BCL2L11: variants seen among roughly 807,000 people sequenced by gnomAD.
BCL2L11 encodes bcl-2-like protein 11.
In BCL2L11, 15 loss-of-function variants were observed where a neutral mutation model predicts 20.6. That is an observed-to-expected ratio of 0.73 (90% CI 0.49 to 1.12). BCL2L11 has a LOEUF of 1.12. BCL2L11 is among the 50% of genes most tolerant of loss of function. The probability of loss-of-function intolerance (pLI) is 0.00; values close to 1 mark genes in which losing one functional copy is unlikely to be tolerated. For missense variants in BCL2L11, 292 were observed against 260.9 expected, an observed-to-expected ratio of 1.12 and a Z score of -0.82; for synonymous variants, 108 against 92.8, an observed-to-expected ratio of 1.16 and a Z score of -0.94.
In BCL2L11 at chr2:111,157,487, A is replaced by G. The variant is rs142057358; in HGVS notation, c.499-6646A>G. Among the ~76,000 whole-genome samples, 89 of 152,044 alleles carry G rather than the reference A, an allele frequency of 5.9e-4. 1 individual carries two copies. The East Asian group carries it at 0.014, about 24-fold the overall frequency. ...TTTCTTCTCTGAATCTAATATTCCA[A>G]CTACTGGTGCCTCACACAGATGTCA... On this transcript the variant is annotated intron_variant, in intron 3 of 3. Transcript: ENST00000393256.
chr2:111,143,956 A>G (rs1247733918), intron 2 of BCL2L11, among the ~76,000 whole-genome samples: 2 of 152,210 alleles, frequency 1.3e-5, no homozygotes, highest in African/African-American at 2.4e-5. Context: ...CATGAACACT[A>G]GTTTCCAGAC....
chr2:111,147,071 CATA>C (rs1202507178), intron 2 of BCL2L11, among the ~76,000 whole-genome samples: 1 of 152,068 alleles, frequency 6.6e-6, no homozygotes, highest in Non-Finnish European at 1.5e-5. Context: ...TATCTATTTC[CATA>C]ATAACTTTTT....
Position 111,123,347 on chromosome 2 carries a change from C to T in BCL2L11, c.-13-386C>T, listed in dbSNP as rs1490202933. On this transcript the variant is annotated intron_variant, in intron 1 of 3. Coordinates refer to ENST00000393256, the MANE Select transcript of BCL2L11 (RefSeq NM_138621.5). ...GCAATCGCTGCATCTGCGCCCGCTCCTGTGCTCCGGCGTCCTACCTAACCC... is the reference window on the plus strand; with the variant it reads ...GCAATCGCTGCATCTGCGCCCGCTCTTGTGCTCCGGCGTCCTACCTAACCC... 5 of 985,386 alleles carry T rather than the reference C, an allele frequency of 5.1e-6. No homozygotes were observed. The East Asian group carries it at 3.4e-4, about 67-fold the overall frequency. 61.0% of individuals were successfully genotyped at this position (985,386 alleles called of 1,614,324 possible).
intron 2 of BCL2L11, among the ~76,000 whole-genome samples, chr2:111,136,046 C>A (rs980624483): frequency 5.3e-5 from 8 of 152,200 alleles, no homozygotes; most frequent in Non-Finnish European, 1.2e-4. Context: ...ATCAACTCCC[C>A]ACTCTGGCCA....
At chr2:111,133,001 C>T (rs2074231000) in intron 2 of BCL2L11, among the ~76,000 whole-genome samples, 2 of 152,150 alleles carry the variant, frequency 1.3e-5, no homozygotes, top group Non-Finnish European at 1.5e-5. Flanking sequence ...TTAAATGTGT[C>T]AAGGTTTGTT....
chr2:111,154,026 G>T, intron 3 of BCL2L11: 1 of 1,114,134 alleles, frequency 9.0e-7, no homozygotes, highest in Non-Finnish European at 1.2e-6. Context: ...TACTCCAGTG[G>T]ATTTTGGTAA....
chr2:111,157,184 C>T (rs1317825199), intron 3 of BCL2L11, among the ~76,000 whole-genome samples: 1 of 152,204 alleles, frequency 6.6e-6, no homozygotes, highest in Non-Finnish European at 1.5e-5. Flanking sequence ...GGATCAAGGC[C>T]ATTAACACAT....
chr2:111,130,629 T>C (rs913605485), intron 2 of BCL2L11, among the ~76,000 whole-genome samples: 4 of 152,218 alleles, frequency 2.6e-5, no homozygotes, highest in Admixed American at 2.6e-4. Flanking sequence ...CAGCTAGAAT[T>C]TCTAGTGTTT....
At chr2:111,133,201 TCAAAAG>T (rs2074266435) in intron 2 of BCL2L11, among the ~76,000 whole-genome samples, 1 of 148,766 alleles carries the variant, frequency 6.7e-6, no homozygotes. Flanking sequence ...TATAAATAAC[TCAAAAG>T]CAAAAGGATT....
chr2:111,165,758 C>T lies in BCL2L11; in HGVS notation c.*1527C>T, dbSNP rs564654309. On this transcript the variant is annotated 3_prime_UTR_variant, in exon 4 of 4. Coordinates refer to ENST00000393256, the MANE Select transcript of BCL2L11 (RefSeq NM_138621.5). ...GTAACTCTTAAAATTTTTGAAAACTCCATCGTTAAACAACTTTTAAAAGAA... is the reference window on the plus strand; with the variant it reads ...GTAACTCTTAAAATTTTTGAAAACTTCATCGTTAAACAACTTTTAAAAGAA... 6.6e-6 allele frequency: 1 copy of T among 152,212 alleles called. No individual in the cohort carries two copies. The highest frequency in any genetic ancestry group is 2.1e-4 in the South Asian group (1 of 4,814). 9.4% of individuals were successfully genotyped at this position (152,212 alleles called of 1,614,324 possible). A position where few individuals can be genotyped will look rare whatever the true frequency, so the allele number is the denominator to read the frequency against.
chr2:111,129,870 G>A (rs896118024), intron 2 of BCL2L11, among the ~76,000 whole-genome samples: 13 of 152,198 alleles, frequency 8.5e-5, no homozygotes, highest in African/African-American at 3.1e-4. Context: ...CATACTGTAT[G>A]TGACCTTTTG....
chr2:111,138,251 C>T (rs555401145), intron 2 of BCL2L11, among the ~76,000 whole-genome samples: 5 of 152,068 alleles, frequency 3.3e-5, no homozygotes, highest in African/African-American at 7.2e-5. Context: ...TGAAGTGATC[C>T]GCCTACCTCG....
chr2:111,152,157 G>A (rs894616303), intron 3 of BCL2L11, among the ~76,000 whole-genome samples: 3 of 152,206 alleles, frequency 2.0e-5, no homozygotes, highest in African/African-American at 7.2e-5. Flanking sequence ...GAATCCAACA[G>A]GACAGATCAT....
chr2:111,138,523 T>C (rs143362429), intron 2 of BCL2L11, among the ~76,000 whole-genome samples: 265 of 152,360 alleles, frequency 1.7e-3, no homozygotes, highest in African/African-American at 6.2e-3. Context: ...TTTTGCATTG[T>C]TGAAGATTTT....
At chr2:111,157,665 G>C (rs2078030675) in intron 3 of BCL2L11, among the ~76,000 whole-genome samples, 1 of 152,226 alleles carries the variant, frequency 6.6e-6, no homozygotes, top group Non-Finnish European at 1.5e-5. Context: ...GCTGCCTGAA[G>C]AGCCTCAGTG....
chr2:111,154,215 A>G (rs2077563137), intron 3 of BCL2L11, among the ~76,000 whole-genome samples: 1 of 152,212 alleles, frequency 6.6e-6, no homozygotes, highest in South Asian at 2.1e-4. Flanking sequence ...ACTTCAGTGT[A>G]TATTTCCCAA....
In BCL2L11 at chr2:111,123,056, C is replaced by T. The variant is rs969223871; in HGVS notation, c.-13-677C>T. The T allele has an allele frequency of 1.1e-5, 11 of 974,680 alleles. No homozygotes were observed. The East Asian group carries it at 6.9e-4, about 61-fold the overall frequency. The allele number at this position is 974,680 out of a possible 1,614,324, so 60.4% of individuals were successfully genotyped here. On this transcript the variant is annotated intron_variant, in intron 1 of 3. Coordinates refer to ENST00000393256, the MANE Select transcript of BCL2L11 (RefSeq NM_138621.5). ...CGTTCGCTTCGTCGCCCTCCGCCGC[C>T]CCCTCCCCATTTAGAGATGTGCACC...
In BCL2L11 at chr2:111,168,360, T is replaced by C. The variant is rs2079125616; in HGVS notation, c.*4129T>C. The C allele has an allele frequency of 6.5e-6, 1 of 152,696 alleles. No individual in the cohort carries two copies. 9.5% of individuals were successfully genotyped at this position (152,696 alleles called of 1,614,324 possible). On this transcript the variant is annotated 3_prime_UTR_variant, in exon 4 of 4. Transcript: ENST00000393256. ...AATTTTGACAGGGTAATTGCCACTT[T>C]ACTTGTGCAATACTGCTGTAAATAA...
intron 3 of BCL2L11, among the ~76,000 whole-genome samples, chr2:111,155,227 A>T (rs1052901718): frequency 6.6e-6 from 1 of 152,212 alleles, no homozygotes; most frequent in African/African-American, 2.4e-5. Context: ...GCTTGCCTTT[A>T]CCTGAGTGGT....
Sources: gnomAD v4.1 joint callset for allele counts (sites outside exome capture counted in the v4.1 genomes callset) on GRCh38, gnomAD v4.1.1 for gene constraint, MANE v1.5 for transcripts, NCBI Gene and HGNC (gene_info 2026-07-23, HGNC 2026-07-21) for gene names.